The following MEGF11 variants were observed in gnomAD, a reference collection of about 807,000 sequenced individuals.
MEGF11 encodes the protein multiple EGF like domains 11.
MEGF11 carries 126 observed loss-of-function variants against 146.6 expected under a neutral mutation model. The ratio of observed to expected loss-of-function variants is 0.86; its 90% CI spans 0.74 to 1.00. The LOEUF (loss-of-function observed/expected upper bound fraction) is 1.00. Ranked by LOEUF, MEGF11 falls within the 50% of genes least tolerant of loss-of-function variation. The pLI is 0.00. For missense variants in MEGF11, 1,509 were observed against 1,521.2 expected (o/e 0.99, Z 0.13); for synonymous variants, 532 against 583.4 (o/e 0.91, Z 1.27).
chr15:66,099,387 G>A (rs12441414), intron 4 of MEGF11, among the ~76,000 whole-genome samples: 75,366 of 151,622 alleles, frequency 0.5, 19,863 homozygotes, highest in Non-Finnish European at 0.59. Context: ...GTTTCACCAT[G>A]TTGGCCAGGC....
chr15:65,950,350 C>T (rs1419300363), intron 10 of MEGF11, among the ~76,000 whole-genome samples: 1 of 152,014 alleles, frequency 6.6e-6, no homozygotes, highest in South Asian at 2.1e-4. Context: ...TTTGGGAGGC[C>T]AAGATGGGCA....
At chr15:66,246,610 G>A (rs2092299437) in intron 1 of MEGF11, among the ~76,000 whole-genome samples, 2 of 151,822 alleles carry the variant, frequency 1.3e-5, no homozygotes, top group South Asian at 2.1e-4. Context: ...CAGGACACTA[G>A]CCTGGGCAAT....
At position 66,165,381 on chromosome 15, in the gene MEGF11, T is replaced by C. The variant is rs144791628; in HGVS notation, c.-8-36970A>G. On this transcript the variant is annotated intron_variant, in intron 1 of 25. Transcript: ENST00000395614. Reference sequence around the variant, plus strand: ...TGAAGTCCCTGATATACAGCAGGTGTCCACAGGGCAGCTGACCTTGTCAAA... The same window carrying C: ...TGAAGTCCCTGATATACAGCAGGTGCCCACAGGGCAGCTGACCTTGTCAAA... Among the ~76,000 whole-genome samples, 16 of 152,272 alleles carry C rather than the reference T, an allele frequency of 1.1e-4. No individual in the cohort carries two copies. The East Asian group carries it at 2.9e-3, about 28-fold the overall frequency.
intron 21 of MEGF11, among the ~76,000 whole-genome samples, chr15:65,910,494 G>A (rs950802436): frequency 6.6e-6 from 1 of 152,164 alleles, no homozygotes; most frequent in Admixed American, 6.5e-5. Flanking sequence ...TGTCATCACA[G>A]CTGCCTGCCT....
chr15:66,069,717 G>C (rs943290464), intron 5 of MEGF11, among the ~76,000 whole-genome samples: 5 of 152,162 alleles, frequency 3.3e-5, no homozygotes, highest in Admixed American at 2.0e-4. Flanking sequence ...TTAAGGCATT[G>C]AATATTTTCC....
chr15:66,207,107 G>A (rs1354204987), intron 1 of MEGF11, among the ~76,000 whole-genome samples: 2 of 152,124 alleles, frequency 1.3e-5, no homozygotes, highest in Non-Finnish European at 2.9e-5. Flanking sequence ...GTCCCAAAAG[G>A]AGAGTAGAGG....
intron 5 of MEGF11, among the ~76,000 whole-genome samples, chr15:66,047,901 TG>T (rs1160751317): frequency 6.0e-5 from 9 of 149,976 alleles, no homozygotes; most frequent in East Asian, 5.9e-4. Flanking sequence ...GGGCCTCGGG[TG>T]GAGGGGAGGC....
At chr15:65,994,575 C>T (rs2082146075) in intron 5 of MEGF11, among the ~76,000 whole-genome samples, 1 of 152,154 alleles carries the variant, frequency 6.6e-6, no homozygotes, top group Non-Finnish European at 1.5e-5. Flanking sequence ...TCTGTGGGTT[C>T]ACAGGCACCA....
At chr15:66,028,654 C>G (rs1180613511) in intron 5 of MEGF11, among the ~76,000 whole-genome samples, 1 of 152,148 alleles carries the variant, frequency 6.6e-6, no homozygotes, top group African/African-American at 2.4e-5. Context: ...AATGGTCAAA[C>G]AATAGGGGAA....
Position 66,143,405 on chromosome 15 carries a change from G to A in MEGF11, c.-8-14994C>T, listed in dbSNP as rs192848248. The stretch of plus-strand genomic sequence containing the variant: ...TTTGGAGCATGCTGGATTAGGCCCC[G>A]GAATCCACCAGCCCCTCAGTCTACT... On this transcript the variant is annotated intron_variant, in intron 1 of 25. Coordinates refer to ENST00000395614, the MANE Select transcript of MEGF11 (RefSeq NM_001385028.1). 2.0e-3 allele frequency among the ~76,000 whole-genome samples: 298 copies of A among 152,268 alleles called. 5 individuals are homozygous for A. The highest frequency in any genetic ancestry group is 0.018 in the Admixed American group (275 of 15,302).
At chr15:65,949,455 G>C (rs1043014342) in intron 10 of MEGF11, among the ~76,000 whole-genome samples, 1 of 152,234 alleles carries the variant, frequency 6.6e-6, no homozygotes, top group Non-Finnish European at 1.5e-5. Flanking sequence ...CCAGCATGCA[G>C]GGTTGAATAA....
At chr15:66,159,066 A>C (rs2089862833) in intron 1 of MEGF11, among the ~76,000 whole-genome samples, 1 of 152,186 alleles carries the variant, frequency 6.6e-6, no homozygotes. Flanking sequence ...ACGTTCCTGA[A>C]CTTAGCTTGA....
intron 1 of MEGF11, among the ~76,000 whole-genome samples, chr15:66,228,470 C>T (rs530631517): frequency 2.4e-4 from 36 of 152,234 alleles, no homozygotes; most frequent in African/African-American, 8.7e-4. Flanking sequence ...GGTGCCCATG[C>T]ACTCACACAT....
chr15:66,110,006 G>T (rs1465163725), intron 4 of MEGF11, among the ~76,000 whole-genome samples: 3 of 152,184 alleles, frequency 2.0e-5, no homozygotes, highest in Non-Finnish European at 4.4e-5. Context: ...AGCAGGACAA[G>T]GGTGCAGAGG....
intron 1 of MEGF11, among the ~76,000 whole-genome samples, chr15:66,234,570 A>C (rs574945055): frequency 6.6e-6 from 1 of 152,284 alleles, no homozygotes; most frequent in East Asian, 1.9e-4. Flanking sequence ...CATGGAAGAC[A>C]CAGGCCAGGG....
At chr15:65,969,650 T>C (rs1412524175) in intron 8 of MEGF11, among the ~76,000 whole-genome samples, 1 of 152,210 alleles carries the variant, frequency 6.6e-6, no homozygotes, top group Non-Finnish European at 1.5e-5. Context: ...GAGGGATTCA[T>C]TGGTTAACTC....
intron 1 of MEGF11, among the ~76,000 whole-genome samples, chr15:66,140,769 C>T (rs1388712772): frequency 2.0e-5 from 3 of 152,172 alleles, no homozygotes; most frequent in Non-Finnish European, 4.4e-5. Context: ...GGAGGCCAGC[C>T]TGGCAGGCTT....
chr15:65,916,015 G>C, intron 18 of MEGF11, 133 bp downstream of exon 18: 1 of 1,158,960 alleles, frequency 8.6e-7, no homozygotes, highest in South Asian at 1.9e-5. Context: ...ATTTTTCCTT[G>C]GAAGTTGTCC....
At chr15:66,114,298 C>A (rs1251251287) in intron 4 of MEGF11, among the ~76,000 whole-genome samples, 3 of 152,178 alleles carry the variant, frequency 2.0e-5, no homozygotes, top group African/African-American at 7.2e-5. Context: ...TAGCAACATT[C>A]CAGAGAGTTG....
Sources: allele counts gnomAD v4.1 joint callset (sites outside exome capture counted in the v4.1 genomes callset), GRCh38; gene constraint gnomAD v4.1.1; transcripts MANE v1.5; gene names NCBI Gene and HGNC (gene_info 2026-07-23, HGNC 2026-07-21).